The following GLI2 variants were observed in gnomAD, a reference collection of about 807,000 sequenced individuals.
GLI2 encodes transcription activator GLI2.
A neutral mutation model predicts 78.9 loss-of-function variants in GLI2; 22 were observed. The ratio of observed to expected loss-of-function variants is 0.28; its 90% CI spans 0.20 to 0.40. The LOEUF is 0.40. GLI2 is among the 10% of genes least tolerant of loss of function. GLI2 has a pLI of 1.00. For missense variants in GLI2, 2,097 were observed against 2,213.2 expected (o/e 0.95, Z 1.05); for synonymous variants, 974 against 963.7 (o/e 1.01, Z -0.20).
At chr2:120,972,122 T>C in intron 8 of GLI2, 59 bp downstream of exon 8, 7 of 1,596,790 alleles carry the variant, frequency 4.4e-6, no homozygotes, top group Non-Finnish European at 6.0e-6. Flanking sequence ...GTGGGCTGCC[T>C]TGGGGCTGTA....
chr2:120,764,604 AG>A (rs1573355113), intron 1 of GLI2, among the ~76,000 whole-genome samples: 1 of 152,184 alleles, frequency 6.6e-6, no homozygotes, highest in South Asian at 2.1e-4. Context: ...AGAAGGGAAC[AG>A]GGTTGCCCAG....
intron 2 of GLI2, among the ~76,000 whole-genome samples, chr2:120,867,887 T>G (rs551375719): frequency 6.3e-4 from 96 of 152,010 alleles, no homozygotes; most frequent in African/African-American, 2.0e-3. Flanking sequence ...AGAGGGAATG[T>G]GGGGAGGCAT....
chr2:120,738,536 G>A (rs1168078177), intron 1 of GLI2, among the ~76,000 whole-genome samples: 2 of 152,168 alleles, frequency 1.3e-5, no homozygotes, highest in African/African-American at 4.8e-5. Flanking sequence ...GCTAATACAG[G>A]GAAGATCCTG....
At chr2:120,784,792 T>C (rs1490792700) in intron 1 of GLI2, among the ~76,000 whole-genome samples, 2 of 152,152 alleles carry the variant, frequency 1.3e-5, no homozygotes, top group South Asian at 2.1e-4. Flanking sequence ...GAAACCTTCC[T>C]TGACTCCCTC....
intron 2 of GLI2, among the ~76,000 whole-genome samples, chr2:120,838,641 A>G (rs901023179): frequency 1.3e-5 from 2 of 152,232 alleles, no homozygotes; most frequent in African/African-American, 2.4e-5. Context: ...TTATAAAGAA[A>G]AGTCATTTAC....
In GLI2 at chr2:120,988,695, GC is replaced by G; in HGVS notation, c.2733del (p.Ala912ProfsTer65). 1 of 1,256,438 alleles carries G rather than the reference GC, an allele frequency of 8.0e-7. No individual in the cohort carries two copies. 77.8% of individuals were successfully genotyped at this position (1,256,438 alleles called of 1,614,324 possible). On this transcript the variant is annotated frameshift_variant, in exon 14 of 14. Transcript: ENST00000361492. LOFTEE classifies it low-confidence loss of function (END_TRUNC). ...ALLDAPERTL[P>X]AGCPRPLGPR... ...TGCTGGACGCGCCCGAGCGCACGCT[GC>G]CCGCCGGCTGCCCACGCCCACTGGG...
At chr2:120,970,295 C>T in intron 6 of GLI2, 98 bp from the exon 7 acceptor site, 1 of 715,972 alleles carries the variant, frequency 1.4e-6, no homozygotes, top group Non-Finnish European at 2.5e-6. Flanking sequence ...ACATGCTCAT[C>T]CCTATCCCCT....
At chr2:120,841,901 TGGGAAAGA>T (rs1243902010) in intron 2 of GLI2, among the ~76,000 whole-genome samples, 1 of 119,428 alleles carries the variant, frequency 8.4e-6, no homozygotes, top group Non-Finnish European at 1.8e-5. Context: ...TGCTGGGCTC[TGGGAAAGA>T]TAAATGAAGG....
At chr2:120,738,397 A>G (rs1004432255) in intron 1 of GLI2, among the ~76,000 whole-genome samples, 2 of 152,312 alleles carry the variant, frequency 1.3e-5, no homozygotes, top group South Asian at 2.1e-4. Context: ...CCATATGGAA[A>G]GTTGTCGCTT....
chr2:120,951,275 C>T lies in GLI2; in HGVS notation c.287C>T (p.Ser96Phe). The T allele has an allele frequency of 6.2e-7, 1 of 1,612,508 alleles. No homozygotes were observed. Among genetic ancestry groups the T allele is most frequent in the Non-Finnish European group, 8.5e-7 (1 of 1,178,706 alleles). Residue 96 changes from serine (S) to phenylalanine (F), a missense_variant, in exon 4 of 14, where the codon TCT (serine) becomes TTT (phenylalanine). This residue lies in a region of GLI2 where 578 missense variants were observed against 612.0 expected (regional missense o/e 0.94). Coordinates refer to ENST00000361492, the MANE Select transcript of GLI2 (RefSeq NM_001374353.1). Reference sequence around the variant, plus strand: ...GCCCTCAGCGGCAGCCCTGTCATCTCTGACATCTCCTTGATCCGGCTTTCC... The same window carrying T: ...GCCCTCAGCGGCAGCCCTGTCATCTTTGACATCTCCTTGATCCGGCTTTCC... ...PPALSGSPVI[S>F]DISLIRLSPH... is the part of the protein sequence containing the mutation.
intron 1 of GLI2, among the ~76,000 whole-genome samples, chr2:120,792,927 G>T (rs1042229093): frequency 1.3e-5 from 2 of 152,276 alleles, no homozygotes; most frequent in South Asian, 4.2e-4. Flanking sequence ...GGCTGAACTT[G>T]TAGATTATTT....
chr2:120,897,968 T>A (rs1024899146), intron 2 of GLI2, among the ~76,000 whole-genome samples: 4 of 152,128 alleles, frequency 2.6e-5, no homozygotes, highest in Admixed American at 2.6e-4. Context: ...GCAAGTCTTA[T>A]CTTGATGCTG....
At chr2:120,766,076 G>A (rs1683357243) in intron 1 of GLI2, among the ~76,000 whole-genome samples, 1 of 152,312 alleles carries the variant, frequency 6.6e-6, no homozygotes, top group East Asian at 1.9e-4. Flanking sequence ...TGGCTGGATC[G>A]TGTTTCCTTG....
chr2:120,771,572 A>G (rs1056268845), intron 1 of GLI2, among the ~76,000 whole-genome samples: 4 of 152,068 alleles, frequency 2.6e-5, no homozygotes, highest in African/African-American at 9.7e-5. Context: ...GCTCTGGGAG[A>G]GTAGTGTGAC....
rs569870467 is a variant in GLI2 at position 120,948,413 on chromosome 2, G to A, written c.255-2830G>A. On this transcript the variant is annotated intron_variant, in intron 3 of 13. Transcript: ENST00000361492. Reference sequence around the variant, plus strand: ...CCCCTGGGCTCCTGACTCCCTTGGTGATGCTTGCGGTGGGAAGGGGGAGGT... The same window carrying A: ...CCCCTGGGCTCCTGACTCCCTTGGTAATGCTTGCGGTGGGAAGGGGGAGGT... Among the ~76,000 whole-genome samples the A allele has an allele frequency of 5.9e-5, 9 of 152,290 alleles. No individual in the cohort carries two copies. The South Asian group carries it at 1.7e-3, about 28-fold the overall frequency.
chr2:120,852,551 C>G (rs977716009), intron 2 of GLI2, among the ~76,000 whole-genome samples: 3 of 152,128 alleles, frequency 2.0e-5, no homozygotes, highest in Non-Finnish European at 2.9e-5. Flanking sequence ...AGGACCAGTG[C>G]CAGCATTCCA....
At chr2:120,876,252 G>A (rs945164197) in intron 2 of GLI2, among the ~76,000 whole-genome samples, 4 of 152,192 alleles carry the variant, frequency 2.6e-5, no homozygotes, top group African/African-American at 9.7e-5. Context: ...TGAGGCGGGA[G>A]AGTGGCGTGA....
intron 2 of GLI2, among the ~76,000 whole-genome samples, chr2:120,853,816 C>G (rs1687518368): frequency 6.6e-6 from 1 of 152,112 alleles, no homozygotes; most frequent in Admixed American, 6.5e-5. Flanking sequence ...GTGTGGGGTG[C>G]TGTCTGAATG....
chr2:120,976,614 C>T (rs532269602), intron 9 of GLI2, among the ~76,000 whole-genome samples: 2 of 152,340 alleles, frequency 1.3e-5, no homozygotes, highest in South Asian at 2.1e-4. Context: ...CCAGAGCATG[C>T]AGATGAGGAT....
Sources: allele counts gnomAD v4.1 joint callset (sites outside exome capture counted in the v4.1 genomes callset), GRCh38; gene constraint gnomAD v4.1.1; regional missense constraint gnomAD v4.1.1; transcripts MANE v1.5; gene names NCBI Gene and HGNC (gene_info 2026-07-23, HGNC 2026-07-21).